The following ANKRD30A variants were observed in gnomAD, a reference collection of about 807,000 sequenced individuals.
The protein encoded by ANKRD30A is ankyrin repeat domain 30A.
In ANKRD30A, 170 loss-of-function variants were observed where a neutral mutation model predicts 166.3. That is an observed-to-expected ratio of 1.02 (90% CI 0.90 to 1.16). ANKRD30A has a LOEUF of 1.16. ANKRD30A is among the 50% of genes most tolerant of loss of function. The probability of loss-of-function intolerance (pLI) is 0.00; values close to 1 mark genes in which losing one functional copy is unlikely to be tolerated. For synonymous variants in ANKRD30A, 564 were observed against 508.9 expected, an observed-to-expected ratio of 1.11 and a Z score of -1.46; for missense variants, 1,630 against 1,518.0, an observed-to-expected ratio of 1.07 and a Z score of -1.23.
rs376482133 is a variant in ANKRD30A at position 37,125,630 on chromosome 10, C to G, written c.-158C>G. On this transcript the variant is annotated 5_prime_UTR_variant, in exon 1 of 36. Coordinates refer to ENST00000361713, the MANE Select transcript of ANKRD30A (RefSeq NM_052997.3). ...CTCAGCGCGATTCTACTGAGAGAGG[C>G]CTGAGTGTGCAAGAGCTTGGCGAAC... is the stretch of plus-strand genomic sequence containing the variant. Among the ~76,000 whole-genome samples the G allele has an allele frequency of 9.2e-5, 14 of 152,196 alleles. No individual in the cohort carries two copies. Among genetic ancestry groups the G allele is most frequent in the Admixed American group, 8.5e-4 (13 of 15,302 alleles).
chr10:37,143,207 A>G (rs556380801), intron 7 of ANKRD30A, among the ~76,000 whole-genome samples: 2 of 152,356 alleles, frequency 1.3e-5, no homozygotes, highest in South Asian at 4.1e-4. Flanking sequence ...AGAAAAAATA[A>G]TGCTTATGCA....
intron 34 of ANKRD30A, among the ~76,000 whole-genome samples, chr10:37,223,175 G>A (rs1842971795): frequency 6.6e-6 from 1 of 151,220 alleles, no homozygotes; most frequent in African/African-American, 2.4e-5. Flanking sequence ...TTAGAATAGG[G>A]ATTTTCAACC....
intron 3 of ANKRD30A, among the ~76,000 whole-genome samples, 180 bp downstream of exon 3, chr10:37,130,558 G>A (rs572469609): frequency 3.3e-5 from 5 of 152,258 alleles, no homozygotes; most frequent in South Asian, 4.1e-4. Flanking sequence ...CTATTAGAGA[G>A]TATGGATTTT....
At position 37,227,151 on chromosome 10, in the gene ANKRD30A, G is replaced by A. The variant is rs189182209; in HGVS notation, c.4186-4310G>A. 1.8e-3 allele frequency among the ~76,000 whole-genome samples: 272 copies of A among 151,978 alleles called. 1 individual carries two copies. The highest frequency in any genetic ancestry group is 3.3e-3 in the Non-Finnish European group (222 of 67,918). On this transcript the variant is annotated intron_variant, in intron 34 of 35. Transcript: ENST00000361713. ...TACTGTTAGTATATTTTCAAGCATA[G>A]CAGTTTTAAATTCTAATGTTAATCC... is the stretch of plus-strand genomic sequence containing the variant.
intron 29 of ANKRD30A, among the ~76,000 whole-genome samples, chr10:37,198,922 T>C (rs1393972165): frequency 1.3e-5 from 2 of 152,122 alleles, no homozygotes; most frequent in African/African-American, 4.8e-5. Context: ...ATTTTTGGTA[T>C]AAATTCATTT....
intron 11 of ANKRD30A, among the ~76,000 whole-genome samples, chr10:37,150,132 G>T (rs1478992344): frequency 6.6e-6 from 1 of 152,010 alleles, no homozygotes; most frequent in Non-Finnish European, 1.5e-5. Context: ...GATTCAAGTA[G>T]GTGAATTTTG....
At chr10:37,250,159 A>C in the ANKRD30A span, among the ~76,000 whole-genome samples, 1 of 152,206 alleles carries the variant, frequency 6.6e-6, no homozygotes, top group Admixed American at 6.5e-5. Flanking sequence ...ATGGTCAAAA[A>C]TTGTGTACAT....
chr10:37,129,705 G>C (rs1026964443), intron 1 of ANKRD30A, among the ~76,000 whole-genome samples, 188 bp from the exon 2 acceptor site: 1 of 152,068 alleles, frequency 6.6e-6, no homozygotes, highest in African/African-American at 2.4e-5. Flanking sequence ...TATTCAAATA[G>C]GCCACTCTTT....
chr10:37,161,777 C>G (rs1363273445), intron 15 of ANKRD30A, among the ~76,000 whole-genome samples: 3 of 152,038 alleles, frequency 2.0e-5, no homozygotes, highest in South Asian at 2.1e-4. Flanking sequence ...AGAACATTGG[C>G]TTTATGTTTA....
chr10:37,192,943 T>C (rs1175599202), intron 25 of ANKRD30A, 121 bp from the exon 26 acceptor site: 1 of 1,465,022 alleles, frequency 6.8e-7, no homozygotes, highest in East Asian at 2.3e-5. Flanking sequence ...CCCCAAAAGC[T>C]AGTGTAATCC....
At chr10:37,151,327 A>G (rs1283826091) in intron 11 of ANKRD30A, among the ~76,000 whole-genome samples, 1 of 152,056 alleles carries the variant, frequency 6.6e-6, no homozygotes, top group Non-Finnish European at 1.5e-5. Flanking sequence ...TTATCCTATA[A>G]CATGTGGGAA....
In ANKRD30A at chr10:37,162,766, C is replaced by G; in HGVS notation, c.1930-10C>G. On this transcript the variant is annotated splice_polypyrimidine_tract_variant and intron_variant, in intron 16 of 35. Coordinates refer to ENST00000361713, the MANE Select transcript of ANKRD30A (RefSeq NM_052997.3). ...TCTTTATTAATCATTTTGCTTCCAA[C>G]CCCATTTAGCCTGCCACTGAAATGC... The G allele has an allele frequency of 6.2e-7, 1 of 1,613,716 alleles. No individual in the cohort carries two copies. The highest frequency in any genetic ancestry group is 8.5e-7 in the Non-Finnish European group (1 of 1,179,786).
chr10:37,239,900 T>C, the ANKRD30A span, among the ~76,000 whole-genome samples: 1 of 152,150 alleles, frequency 6.6e-6, no homozygotes, highest in Non-Finnish European at 1.5e-5. Context: ...GTTTCTCTTC[T>C]TAAAATTAAA....
chr10:37,225,908 T>C lies in ANKRD30A; in HGVS notation c.4186-5553T>C, dbSNP rs376044980. Among the ~76,000 whole-genome samples, 21 of 151,760 alleles carry C rather than the reference T, an allele frequency of 1.4e-4. No individual in the cohort carries two copies. The East Asian group carries it at 2.5e-3, about 18-fold the overall frequency. On this transcript the variant is annotated intron_variant, in intron 34 of 35. Coordinates refer to ENST00000361713, the MANE Select transcript of ANKRD30A (RefSeq NM_052997.3). ...CGTCACCACAATCTATTCTAGAATA[T>C]TTTTATCAGTCTAAAAAAAAATTCG...
the ANKRD30A span, among the ~76,000 whole-genome samples, chr10:37,250,256 A>T: frequency 1.3e-5 from 2 of 152,108 alleles, no homozygotes; most frequent in Non-Finnish European, 2.9e-5. Flanking sequence ...GTTCAGGAGA[A>T]TCTTCTCCAA....
chr10:37,235,634 TATTTTA>T (rs1217903588), downstream of ANKRD30A, among the ~76,000 whole-genome samples: 1 of 152,182 alleles, frequency 6.6e-6, no homozygotes, highest in Non-Finnish European at 1.5e-5. Flanking sequence ...AATACAGCAA[TATTTTA>T]AACTTATAAT....
chr10:37,220,019 AT>A (rs1588950860), intron 34 of ANKRD30A, 122 bp downstream of exon 34: 11 of 127,368 alleles, frequency 8.6e-5, no homozygotes, highest in East Asian at 2.8e-4. Flanking sequence ...ATATATATAT[AT>A]ATATATATAA....
chr10:37,191,868 G>A (rs1481490001), intron 25 of ANKRD30A, among the ~76,000 whole-genome samples: 1 of 151,924 alleles, frequency 6.6e-6, no homozygotes, highest in African/African-American at 2.4e-5. Context: ...GGTGGTGGGT[G>A]CCTGTAGTCC....
At chr10:37,136,997 G>A (rs369314383) in intron 6 of ANKRD30A, among the ~76,000 whole-genome samples, 107 of 151,754 alleles carry the variant, frequency 7.1e-4, no homozygotes, top group East Asian at 6.8e-3. Context: ...TATAAATAAC[G>A]CAAGTTTTAA....
Sources: allele counts gnomAD v4.1 joint callset (sites outside exome capture counted in the v4.1 genomes callset), GRCh38; gene constraint gnomAD v4.1.1; transcripts MANE v1.5; gene names NCBI Gene and HGNC (gene_info 2026-07-23, HGNC 2026-07-21).